CNTN4: variants seen among roughly 807,000 people sequenced by gnomAD.
The protein encoded by CNTN4 is contactin 4.
In CNTN4, 77 loss-of-function variants were observed where a neutral mutation model predicts 122.5. The observed-to-expected ratio is 0.63, with a 90% CI of 0.52 to 0.76. The LOEUF (loss-of-function observed/expected upper bound fraction) is 0.76, where lower values mean the gene tolerates loss of function less well. Among genes scored for constraint, CNTN4 ranks in the 30% least tolerant of loss-of-function variants. The pLI, the probability that CNTN4 is intolerant of heterozygous loss-of-function variation, is 0.00. For synonymous variants in CNTN4, 512 were observed against 447.0 expected (o/e 1.15, Z -1.83); for missense variants, 1,256 against 1,259.1 (o/e 1.00, Z 0.04).
At chr3:2,635,564 G>A (rs41500847) in intron 4 of CNTN4, among the ~76,000 whole-genome samples, 3,978 of 152,124 alleles carry the variant, frequency 0.026, 120 homozygotes, top group Admixed American at 0.1. Context: ...AGTTATTTTT[G>A]GAAGCTTTCA....
At chr3:2,566,477 T>G (rs146083177) in intron 3 of CNTN4, among the ~76,000 whole-genome samples, 1 of 152,208 alleles carries the variant, frequency 6.6e-6, no homozygotes, top group South Asian at 2.1e-4. Flanking sequence ...CTGCCTTTAT[T>G]CTTTCATTTA....
chr3:2,347,048 T>A (rs2044422158), intron 3 of CNTN4, among the ~76,000 whole-genome samples: 1 of 152,238 alleles, frequency 6.6e-6, no homozygotes, highest in South Asian at 2.1e-4. Flanking sequence ...TATAAGAAAA[T>A]TCCTCTGGAG....
chr3:2,507,817 C>T (rs1326090135), intron 3 of CNTN4, among the ~76,000 whole-genome samples: 1 of 151,032 alleles, frequency 6.6e-6, no homozygotes, highest in Non-Finnish European at 1.5e-5. Flanking sequence ...GTCAGTTCTC[C>T]CCCAAAAATT....
At chr3:2,387,594 TG>T (rs1355342305) in intron 3 of CNTN4, among the ~76,000 whole-genome samples, 2 of 152,118 alleles carry the variant, frequency 1.3e-5, no homozygotes, top group Admixed American at 1.3e-4. Flanking sequence ...TAGAGACATT[TG>T]AAAAATATAA....
At chr3:2,991,938 T>G (rs1695093107) in intron 14 of CNTN4, among the ~76,000 whole-genome samples, 1 of 152,206 alleles carries the variant, frequency 6.6e-6, no homozygotes, top group Non-Finnish European at 1.5e-5. Flanking sequence ...TGTCTGGGAT[T>G]AAAACACCGT....
chr3:2,647,782 G>C (rs1001427824), intron 4 of CNTN4, among the ~76,000 whole-genome samples: 1 of 152,178 alleles, frequency 6.6e-6, no homozygotes, highest in Admixed American at 6.5e-5. Flanking sequence ...TTGCTGTAGA[G>C]ATACCAGCTG....
intron 3 of CNTN4, among the ~76,000 whole-genome samples, chr3:2,463,059 T>C (rs1261042612): frequency 6.6e-6 from 1 of 152,200 alleles, no homozygotes; most frequent in African/African-American, 2.4e-5. Flanking sequence ...TTTTAAGGAA[T>C]GAAGTTGTTG....
intron 3 of CNTN4, among the ~76,000 whole-genome samples, chr3:2,460,273 A>G (rs2049158047): frequency 1.3e-5 from 2 of 152,094 alleles, no homozygotes; most frequent in South Asian, 2.1e-4. Context: ...CAGGTTTTCA[A>G]TCACCTTAAA....
intron 4 of CNTN4, among the ~76,000 whole-genome samples, chr3:2,700,845 G>A (rs963361056): frequency 6.6e-6 from 1 of 152,148 alleles, no homozygotes; most frequent in Admixed American, 6.5e-5. Flanking sequence ...ATAATAGAAT[G>A]CAATAAGAAT....
intron 2 of CNTN4, among the ~76,000 whole-genome samples, chr3:2,129,633 G>C (rs2034356447): frequency 6.6e-6 from 1 of 151,800 alleles, no homozygotes; most frequent in Non-Finnish European, 1.5e-5. Context: ...ATATGCTGGA[G>C]ACTTTGGAGA....
chr3:2,432,809 A>C (rs2048125122), intron 3 of CNTN4, among the ~76,000 whole-genome samples: 1 of 113,638 alleles, frequency 8.8e-6, no homozygotes, highest in Non-Finnish European at 1.7e-5. Flanking sequence ...CTGGCACACT[A>C]ACTGCTTTTT....
At chr3:2,601,771 C>T (rs1358621593) in intron 4 of CNTN4, among the ~76,000 whole-genome samples, 3 of 152,042 alleles carry the variant, frequency 2.0e-5, no homozygotes, top group East Asian at 3.8e-4. Context: ...ATACCAAAGC[C>T]TGGCAGAGAC....
chr3:3,015,258 A>G (rs769244177), intron 14 of CNTN4, among the ~76,000 whole-genome samples: 2 of 151,950 alleles, frequency 1.3e-5, no homozygotes, highest in Non-Finnish European at 2.9e-5. Context: ...ATCTATTAAT[A>G]GTTGCCCATT....
chr3:2,470,105 G>A (rs972192752), intron 3 of CNTN4, among the ~76,000 whole-genome samples: 5 of 149,782 alleles, frequency 3.3e-5, no homozygotes, highest in South Asian at 2.1e-4. Context: ...TCGCTCTCTC[G>A]CCCAGGCTGG....
rs779743300 is a variant in CNTN4 at position 2,656,500 on chromosome 3, A to G, written c.56-79715A>G. On this transcript the variant is annotated intron_variant, in intron 4 of 24. Transcript: ENST00000418658. ...TTTCTCCCAGTACATTGTAAATTCCATGAAGACAGCAACTATGTCTGTTCT... is the reference window on the plus strand; with the variant it reads ...TTTCTCCCAGTACATTGTAAATTCCGTGAAGACAGCAACTATGTCTGTTCT... Among the ~76,000 whole-genome samples the G allele has an allele frequency of 3.9e-5, 6 of 152,372 alleles. No individual in the cohort carries two copies. The East Asian group carries it at 9.6e-4, about 24-fold the overall frequency.
At chr3:2,354,178 C>A (rs993873345) in intron 3 of CNTN4, among the ~76,000 whole-genome samples, 1 of 152,190 alleles carries the variant, frequency 6.6e-6, no homozygotes, top group Non-Finnish European at 1.5e-5. Context: ...CCATTCAGTT[C>A]TATCTTGACT....
intron 4 of CNTN4, among the ~76,000 whole-genome samples, chr3:2,619,969 T>C (rs1029208835): frequency 1.3e-5 from 2 of 151,316 alleles, no homozygotes. Context: ...CCTGGTACTT[T>C]TTTCCCCTGG....
chr3:2,752,461 G>A (rs1559465784), intron 6 of CNTN4, among the ~76,000 whole-genome samples: 1 of 152,172 alleles, frequency 6.6e-6, no homozygotes, highest in Non-Finnish European at 1.5e-5. Context: ...CACCTCCCGG[G>A]TCCAAGCGAT....
At chr3:2,163,380 G>A (rs1468445064) in intron 2 of CNTN4, among the ~76,000 whole-genome samples, 1 of 152,054 alleles carries the variant, frequency 6.6e-6, no homozygotes, top group Non-Finnish European at 1.5e-5. Flanking sequence ...TTAAATCTAA[G>A]ACATGAAACC....
Sources: allele counts gnomAD v4.1 joint callset (sites outside exome capture counted in the v4.1 genomes callset), GRCh38; gene constraint gnomAD v4.1.1; transcripts MANE v1.5; gene names NCBI Gene and HGNC (gene_info 2026-07-23, HGNC 2026-07-21).